TOX: variants seen among roughly 807,000 people sequenced by gnomAD.
The protein encoded by TOX is thymocyte selection associated high mobility group box, also known as thymocyte selection-associated high mobility group box protein TOX.
TOX carries 11 observed loss-of-function variants against 53.7 expected under a neutral mutation model. The ratio of observed to expected loss-of-function variants is 0.20; its 90% CI spans 0.13 to 0.34. The LOEUF (loss-of-function observed/expected upper bound fraction) is 0.34. TOX is among the 10% of genes least tolerant of loss of function. The pLI, the probability that TOX is intolerant of heterozygous loss-of-function variation, is 1.00. For synonymous variants in TOX, 225 were observed against 245.3 expected (o/e 0.92, Z 0.77); for missense variants, 570 against 664.6 (o/e 0.86, Z 1.56).
intron 1 of TOX, among the ~76,000 whole-genome samples, chr8:59,034,916 A>G (rs1814428618): frequency 6.6e-6 from 1 of 152,180 alleles, no homozygotes; most frequent in Non-Finnish European, 1.5e-5. Flanking sequence ...ATTGAGACAC[A>G]CAGAAGTTAA....
chr8:59,115,903 G>A (rs923901954), intron 1 of TOX, among the ~76,000 whole-genome samples: 3 of 151,986 alleles, frequency 2.0e-5, no homozygotes, highest in Middle Eastern at 3.2e-3. Context: ...AGATTAAACC[G>A]TTTCCAAAAA....
chr8:59,014,356 C>T (rs1483809538), intron 1 of TOX, among the ~76,000 whole-genome samples: 1 of 152,200 alleles, frequency 6.6e-6, no homozygotes, highest in Non-Finnish European at 1.5e-5. Context: ...GTAAAATTAC[C>T]AAATTCTCTT....
At chr8:59,062,894 C>G (rs937987549) in intron 1 of TOX, among the ~76,000 whole-genome samples, 7 of 152,040 alleles carry the variant, frequency 4.6e-5, no homozygotes, top group Non-Finnish European at 1.0e-4. Context: ...TAGCATTTTT[C>G]CTGATAATAT....
intron 1 of TOX, among the ~76,000 whole-genome samples, chr8:59,076,091 A>G (rs916086988): frequency 6.6e-6 from 1 of 152,084 alleles, no homozygotes; most frequent in African/African-American, 2.4e-5. Flanking sequence ...AGGCGCTGTA[A>G]ACCAGGTTAG....
rs148634532 is a variant in TOX at position 58,843,961 on chromosome 8, C to T, written c.694-5650G>A. On this transcript the variant is annotated intron_variant, in intron 4 of 8. Coordinates refer to ENST00000361421, the MANE Select transcript of TOX (RefSeq NM_014729.3). Reference sequence around the variant, plus strand: ...TTTGAAAGATACTTGGCTCTTATGACCACAAACTATTTGGGATAAACACAA... The same window carrying T: ...TTTGAAAGATACTTGGCTCTTATGATCACAAACTATTTGGGATAAACACAA... 3.6e-3 allele frequency among the ~76,000 whole-genome samples: 549 copies of T among 152,220 alleles called. 2 individuals carry two copies. The highest frequency in any genetic ancestry group is 0.012 in the African/African-American group (513 of 41,544).
chr8:58,944,756 G>A (rs895677807), intron 2 of TOX, among the ~76,000 whole-genome samples: 2 of 152,094 alleles, frequency 1.3e-5, no homozygotes, highest in African/African-American at 2.4e-5. Flanking sequence ...ATATAGCTAC[G>A]GTTACTGTTA....
chr8:58,932,436 G>A (rs1260056036), intron 3 of TOX, among the ~76,000 whole-genome samples: 1 of 152,096 alleles, frequency 6.6e-6, no homozygotes, highest in Non-Finnish European at 1.5e-5. Flanking sequence ...AAGCTGCGGT[G>A]ACATCCATTC....
At chr8:58,974,096 C>T (rs907774985) in intron 1 of TOX, among the ~76,000 whole-genome samples, 3 of 152,162 alleles carry the variant, frequency 2.0e-5, no homozygotes, top group Admixed American at 2.0e-4. Flanking sequence ...CTGTGCCTCA[C>T]CTGGAAGTGG....
intron 3 of TOX, among the ~76,000 whole-genome samples, chr8:58,922,296 A>T (rs1379944412): frequency 6.6e-6 from 1 of 152,214 alleles, no homozygotes. Context: ...GAAGGCAAAG[A>T]TAAGACGTAA....
chr8:59,093,247 T>C (rs1804657138), intron 1 of TOX, among the ~76,000 whole-genome samples: 2 of 152,242 alleles, frequency 1.3e-5, no homozygotes, highest in Admixed American at 1.3e-4. Flanking sequence ...TTCTTTGTTA[T>C]GCCCAAGTTT....
chr8:58,985,641 G>A (rs1813314612), intron 1 of TOX, among the ~76,000 whole-genome samples: 1 of 152,142 alleles, frequency 6.6e-6, no homozygotes, highest in South Asian at 2.1e-4. Context: ...TAAATTTTAT[G>A]TTATGTGTAT....
chr8:58,869,655 C>T (rs1045421297), intron 3 of TOX, among the ~76,000 whole-genome samples: 1 of 152,048 alleles, frequency 6.6e-6, no homozygotes, highest in Admixed American at 6.6e-5. Flanking sequence ...CAAATCAAAT[C>T]TAAAACTGCA....
intron 1 of TOX, among the ~76,000 whole-genome samples, chr8:58,969,857 T>C (rs1812971370): frequency 6.6e-6 from 1 of 152,236 alleles, no homozygotes; most frequent in Admixed American, 6.5e-5. Flanking sequence ...TTGCTTCTAC[T>C]CAAAGCCTTA....
intron 1 of TOX, among the ~76,000 whole-genome samples, chr8:58,984,918 T>C (rs964911529): frequency 6.6e-6 from 1 of 151,462 alleles, no homozygotes; most frequent in Non-Finnish European, 1.5e-5. Context: ...TGGCAGTTTC[T>C]CAAAAAATTA....
At chr8:59,067,473 T>G (rs1179274656) in intron 1 of TOX, among the ~76,000 whole-genome samples, 1 of 151,982 alleles carries the variant, frequency 6.6e-6, no homozygotes, top group Non-Finnish European at 1.5e-5. Context: ...AGAAATCGCT[T>G]GAACCCAGGA....
At chr8:58,837,318 T>G (rs562015036) in intron 5 of TOX, among the ~76,000 whole-genome samples, 1 of 152,340 alleles carries the variant, frequency 6.6e-6, no homozygotes, top group East Asian at 1.9e-4. Context: ...TTTGTGATGC[T>G]GAGATTTTTA....
intron 1 of TOX, among the ~76,000 whole-genome samples, chr8:59,113,618 T>G (rs1234119336): frequency 6.6e-6 from 1 of 152,070 alleles, no homozygotes; most frequent in Admixed American, 6.5e-5. Context: ...GTGATTAGTA[T>G]CCAGTGGAGA....
chr8:58,923,506 G>A (rs1326536584), intron 3 of TOX, among the ~76,000 whole-genome samples: 5 of 152,124 alleles, frequency 3.3e-5, no homozygotes, highest in Admixed American at 6.5e-5. Flanking sequence ...CTCCAAAAAC[G>A]TCTTCTTCCC....
chr8:58,833,265 A>G (rs890182015), intron 5 of TOX, among the ~76,000 whole-genome samples: 4 of 152,248 alleles, frequency 2.6e-5, no homozygotes, highest in Admixed American at 6.5e-5. Context: ...AGTAATTTAC[A>G]TCTGGTTCTG....
Sources: gnomAD v4.1 joint callset for allele counts (sites outside exome capture counted in the v4.1 genomes callset) on GRCh38, gnomAD v4.1.1 for gene constraint, MANE v1.5 for transcripts, NCBI Gene and HGNC (gene_info 2026-07-23, HGNC 2026-07-21) for gene names.